ARID1B: variants seen among roughly 807,000 people sequenced by gnomAD.
ARID1B encodes AT-rich interactive domain-containing protein 1B.
Under a neutral mutation model 212.3 loss-of-function variants are expected in ARID1B, and 30 were observed. The observed-to-expected ratio is 0.14, with a 90% confidence interval of 0.11 to 0.19. ARID1B has a LOEUF of 0.19. Ranked by LOEUF, ARID1B falls within the 10% of genes least tolerant of loss-of-function variation. The pLI is 1.00. For missense variants in ARID1B, 2,891 were observed against 3,204.0 expected (o/e 0.90, Z 2.36); for synonymous variants, 1,402 against 1,301.7 (o/e 1.08, Z -1.66).
At chr6:156,833,588 T>C in intron 2 of ARID1B, among the ~76,000 whole-genome samples, 1 of 152,298 alleles carries the variant, frequency 6.6e-6, no homozygotes, top group South Asian at 2.1e-4. Flanking sequence ...GCTTTTATGA[T>C]GGGAAAACAT....
chr6:156,837,716 G>A (rs766422633), intron 2 of ARID1B, among the ~76,000 whole-genome samples: 1 of 152,186 alleles, frequency 6.6e-6, no homozygotes, highest in Non-Finnish European at 1.5e-5. Flanking sequence ...CTTAAGCTGA[G>A]AGGGTGCAGA....
chr6:156,907,204 C>T (rs1275294354), intron 3 of ARID1B, among the ~76,000 whole-genome samples: 1 of 152,100 alleles, frequency 6.6e-6, no homozygotes, highest in Non-Finnish European at 1.5e-5. Context: ...TACAATGTTT[C>T]CCCTTTCTTT....
At chr6:156,879,501 A>AT (rs2128163768) in intron 2 of ARID1B, among the ~76,000 whole-genome samples, 1 of 152,308 alleles carries the variant, frequency 6.6e-6, no homozygotes, top group African/African-American at 2.4e-5. Flanking sequence ...TGAATTGCAT[A>AT]TTTGTTTCAC....
intron 4 of ARID1B, among the ~76,000 whole-genome samples, chr6:156,987,944 T>C (rs1778032604): frequency 6.6e-6 from 1 of 151,764 alleles, no homozygotes; most frequent in South Asian, 2.1e-4. Context: ...AAGTAATTAA[T>C]CTATAGCAGA....
At chr6:156,862,023 C>T (rs1284184708) in intron 2 of ARID1B, among the ~76,000 whole-genome samples, 1 of 152,158 alleles carries the variant, frequency 6.6e-6, no homozygotes, top group East Asian at 1.9e-4. Flanking sequence ...GTATAGAGTT[C>T]AAGGAATCCA....
intron 4 of ARID1B, chr6:156,940,416 A>G (rs534235305): frequency 1.4e-4 from 22 of 152,340 alleles, no homozygotes; most frequent in African/African-American, 5.1e-4. Flanking sequence ...TGAGTTTGCA[A>G]TTAGACGGAA....
chr6:157,197,289 C>T (rs538731717), intron 16 of ARID1B, among the ~76,000 whole-genome samples: 2 of 152,400 alleles, frequency 1.3e-5, no homozygotes, highest in South Asian at 2.1e-4. Flanking sequence ...GTGGAGCTGA[C>T]TTCGGGATCG....
At chr6:157,087,936 T>C (rs1785055893) in intron 5 of ARID1B, among the ~76,000 whole-genome samples, 1 of 152,126 alleles carries the variant, frequency 6.6e-6, no homozygotes, top group South Asian at 2.1e-4. Context: ...CACATGAAAA[T>C]TTTAGCTGAA....
Position 156,976,749 on chromosome 6 carries a change from C to T in ARID1B, c.2247+41173C>T, listed in dbSNP as rs138584232. ...AGCTGTAACACTCACCGTGAAGGTC[C>T]GCAGCTTCATTCATCAAAGTTAGCG... On this transcript the variant is annotated intron_variant, in intron 4 of 19. Transcript: ENST00000636930. The T allele has an allele frequency of 2.1e-3, 1,072 of 505,318 alleles. 7 individuals carry two copies. The highest frequency in any genetic ancestry group is 0.019 in the African/African-American group (965 of 51,530). 31.3% of individuals were successfully genotyped at this position (505,318 alleles called of 1,614,324 possible).
intron 4 of ARID1B, among the ~76,000 whole-genome samples, chr6:156,994,968 A>C (rs1412944824): frequency 6.6e-6 from 1 of 152,236 alleles, no homozygotes; most frequent in Non-Finnish European, 1.5e-5. Context: ...GACTGAGGGC[A>C]GAAGAGTCAG....
chr6:156,999,198 A>T (rs750114902), intron 4 of ARID1B, among the ~76,000 whole-genome samples: 8 of 152,236 alleles, frequency 5.3e-5, no homozygotes, highest in Non-Finnish European at 1.0e-4. Flanking sequence ...AATTTACTGT[A>T]ATGGTCAGTA....
intron 4 of ARID1B, among the ~76,000 whole-genome samples, chr6:157,001,933 G>C (rs1021024756): frequency 6.6e-6 from 1 of 152,208 alleles, no homozygotes; most frequent in South Asian, 2.1e-4. Flanking sequence ...GGCTCCCCAC[G>C]CTGCTCGTTT....
intron 4 of ARID1B, among the ~76,000 whole-genome samples, chr6:157,028,292 A>T (rs890845023): frequency 2.0e-5 from 3 of 152,188 alleles, no homozygotes; most frequent in African/African-American, 7.2e-5. Flanking sequence ...TCCTTCATCA[A>T]ACTTTCTAGA....
rs185716192 is a variant in ARID1B at position 157,209,688 on chromosome 6, A to G, written c.*1797A>G. On this transcript the variant is annotated 3_prime_UTR_variant, in exon 20 of 20. Coordinates refer to ENST00000636930, the MANE Select transcript of ARID1B (RefSeq NM_001374828.1). ...TTGCATTTAGTTTACTCCACCGTGT[A>G]TAATATTTATACTGTGCAATGTTAA... 12 of 233,228 alleles carry G rather than the reference A, an allele frequency of 5.1e-5. No individual in the cohort carries two copies. In the East Asian group the frequency reaches 6.6e-4, roughly 13 times the overall value. 14.4% of individuals were successfully genotyped at this position (233,228 alleles called of 1,614,324 possible).
chr6:156,905,948 T>G (rs945031209), intron 3 of ARID1B, among the ~76,000 whole-genome samples: 2 of 152,236 alleles, frequency 1.3e-5, no homozygotes, highest in Non-Finnish European at 2.9e-5. Flanking sequence ...CTTGAATAGC[T>G]TTTTCCTTTT....
At chr6:157,109,049 A>C (rs545406053) in intron 5 of ARID1B, among the ~76,000 whole-genome samples, 4 of 152,308 alleles carry the variant, frequency 2.6e-5, no homozygotes, top group Non-Finnish European at 5.9e-5. Context: ...ATCTAAACTG[A>C]AAATCATATT....
chr6:157,164,107 A>G (rs1424726905), intron 8 of ARID1B, among the ~76,000 whole-genome samples: 1 of 152,234 alleles, frequency 6.6e-6, no homozygotes, highest in Non-Finnish European at 1.5e-5. Flanking sequence ...TGTCACTATC[A>G]TTACCAGCCC....
intron 1 of ARID1B, among the ~76,000 whole-genome samples, chr6:156,824,426 T>C (rs1383520191): frequency 6.6e-6 from 1 of 152,168 alleles, no homozygotes; most frequent in East Asian, 1.9e-4. Flanking sequence ...GAGCATAAAC[T>C]TTCAGTGAGA....
chr6:156,875,157 T>C (rs769000658), intron 2 of ARID1B, among the ~76,000 whole-genome samples: 35 of 152,356 alleles, frequency 2.3e-4, no homozygotes, highest in Non-Finnish European at 8.8e-5. Flanking sequence ...CATTTATTCA[T>C]TGTTCCCGCA....
Sources: allele counts gnomAD v4.1 joint callset (sites outside exome capture counted in the v4.1 genomes callset), GRCh38; gene constraint gnomAD v4.1.1; transcripts MANE v1.5; gene names NCBI Gene and HGNC (gene_info 2026-07-23, HGNC 2026-07-21).